Variants in SLC25A25 observed in about 807,000 individuals in gnomAD.
SLC25A25 encodes the protein solute carrier family 25 member 25.
In SLC25A25, 32 loss-of-function variants were observed where a neutral mutation model predicts 57.7. The ratio of observed to expected loss-of-function variants is 0.55; its 90% CI spans 0.42 to 0.74. SLC25A25 has a LOEUF of 0.74. Among genes scored for constraint, SLC25A25 ranks in the 30% least tolerant of loss-of-function variants. The pLI is 0.00. For synonymous variants in SLC25A25, 306 were observed against 291.2 expected (o/e 1.05, Z -0.52); for missense variants, 556 against 701.3 (o/e 0.79, Z 2.34).
At chr9:128,082,156 T>C (rs2130792410) in intron 1 of SLC25A25, among the ~76,000 whole-genome samples, 1 of 152,370 alleles carries the variant, frequency 6.6e-6, no homozygotes, top group East Asian at 1.9e-4. Context: ...CTGAGGGTTT[T>C]CATGCCGGAC....
In SLC25A25 at chr9:128,102,312, G is replaced by A; in HGVS notation, c.513-58G>A. 2.0e-6 allele frequency: 3 copies of A among 1,510,092 alleles called. No homozygotes were observed. The highest frequency in any genetic ancestry group is 3.4e-5 in the Admixed American group (2 of 58,612). The allele number at this position is 1,510,092 out of a possible 1,614,324, so 93.5% of individuals were successfully genotyped here. ...GCCCTTGGCTCACTGGGAGGTGGGG[G>A]GATGCAGCTGGCGGATGGGCATGTG... On this transcript the variant is annotated intron_variant, in intron 4 of 10. Coordinates refer to ENST00000373069, the MANE Select transcript of SLC25A25 (RefSeq NM_001330988.2). The surrounding 1 kb of genome is among the most constrained non-coding windows in gnomAD (Gnocchi z 4.1).
chr9:128,102,435 C>G lies in SLC25A25; in HGVS notation c.578C>G (p.Pro193Arg). 1.2e-6 allele frequency: 2 copies of G among 1,614,036 alleles called. No homozygotes were observed. The highest frequency in any genetic ancestry group is 2.2e-5 in the South Asian group (2 of 91,084). ...NEWRDYHLLH[P>R]VENIPEIILY... ...TGGAGAGACTACCACCTCCTCCACC[C>G]CGTGGAAAACATCCCCGAGATCATC... is the stretch of plus-strand genomic sequence containing the variant. The change falls in exon 5 of 11, where the codon CCC (proline) becomes CGC (arginine). Residue 193 changes from proline to arginine, a missense_variant. Physicochemically the swap from Pro to Arg is moderately radical, Grantham distance 103 (BLOSUM62 -2). Around this residue, in one of 3 missense-constraint regions of SLC25A25, gnomAD observed 248 missense variants for 273.5 expected, o/e 0.91. Coordinates refer to ENST00000373069, the MANE Select transcript of SLC25A25 (RefSeq NM_001330988.2). The surrounding 1 kb of genome is among the most constrained non-coding windows in gnomAD (Gnocchi z 4.1).
intron 6 of SLC25A25, among the ~76,000 whole-genome samples, chr9:128,104,906 G>A (rs2130824940): frequency 6.6e-6 from 1 of 150,414 alleles, no homozygotes; most frequent in Middle Eastern, 3.5e-3. Flanking sequence ...ACCCAGGCTA[G>A]AGTACAGTGG....
At chr9:128,098,072 CTCTG>C (rs1365225300) in intron 1 of SLC25A25, among the ~76,000 whole-genome samples, 16 of 152,354 alleles carry the variant, frequency 1.1e-4, no homozygotes, top group Admixed American at 8.5e-4. Flanking sequence ...TGGCAATCAG[CTCTG>C]TCTCTCTCCA....
At chr9:128,093,088 A>G (rs949655312) in intron 1 of SLC25A25, among the ~76,000 whole-genome samples, 2 of 152,244 alleles carry the variant, frequency 1.3e-5, no homozygotes, top group African/African-American at 4.8e-5. Flanking sequence ...AGATGTTAAG[A>G]TGAATTGCTA....
At chr9:128,092,705 G>T (rs10760536) in intron 1 of SLC25A25, among the ~76,000 whole-genome samples, 107,538 of 152,108 alleles carry the variant, frequency 0.71, 41,165 homozygotes, top group Non-Finnish European at 0.85. Flanking sequence ...AGCCCAGAGC[G>T]TGAGTTACCA....
chr9:128,068,419 G>T lies in SLC25A25; in HGVS notation c.100G>T (p.Asp34Tyr). 1 of 1,559,138 alleles carries T rather than the reference G, an allele frequency of 6.4e-7. No homozygotes were observed. Among genetic ancestry groups the T allele is most frequent in the Non-Finnish European group, 8.6e-7 (1 of 1,163,256 alleles). Residue 34 changes from aspartate (D) to tyrosine (Y), a missense_variant, in exon 1 of 11, where the codon GAC (aspartate) becomes TAC (tyrosine). Asp to Tyr is a radical substitution (Grantham distance 160). Transcript: ENST00000373069. ...SSASSPASVG[D>Y]PCGGAICGGP... ...TGCCTCATCGCCGGCGTCCGTGGGGGACCCCTGCGGCGGCGCTATCTGCGG... is the reference window on the plus strand; with the variant it reads ...TGCCTCATCGCCGGCGTCCGTGGGGTACCCCTGCGGCGGCGCTATCTGCGG...
intron 1 of SLC25A25, among the ~76,000 whole-genome samples, chr9:128,074,056 G>T (rs948605101): frequency 5.6e-5 from 8 of 143,882 alleles, no homozygotes; most frequent in Non-Finnish European, 1.2e-4. Flanking sequence ...TTTTGTGTGT[G>T]TGTGACGGAT....
chr9:128,086,172 G>GT (rs34490400), intron 1 of SLC25A25, among the ~76,000 whole-genome samples: 21 of 149,686 alleles, frequency 1.4e-4, no homozygotes, highest in South Asian at 8.4e-4. Context: ...TTTTGTTGTT[G>GT]TTTTTTTTTA....
rs146687560 is a variant in SLC25A25 at position 128,077,372 on chromosome 9, C to A, written c.261+8792C>A. ...CTACTAAAAATACAAAAAAAATTAGCCGGGCGCGGTGGCGGGCGCCTGTGG... is the reference window on the plus strand; with the variant it reads ...CTACTAAAAATACAAAAAAAATTAGACGGGCGCGGTGGCGGGCGCCTGTGG... On this transcript the variant is annotated intron_variant, in intron 1 of 10. Transcript: ENST00000373069. Among the ~76,000 whole-genome samples, 1,299 of 152,178 alleles carry A rather than the reference C, an allele frequency of 8.5e-3. 15 individuals are homozygous for A. The highest frequency in any genetic ancestry group is 0.03 in the African/African-American group (1,233 of 41,496).
Position 128,102,468 on chromosome 9 carries a change from G to A in SLC25A25, c.611G>A (p.Trp204Ter). ...AACATCCCCGAGATCATCCTCTACTGGAAGCATTCCACGGTGAGCCCCACG... is the reference window on the plus strand; with the variant it reads ...AACATCCCCGAGATCATCCTCTACTAGAAGCATTCCACGGTGAGCCCCACG... ...VENIPEIILYWKHSTIFDVGE... is the reference protein window; with the variant it reads ...VENIPEIILY The change falls in exon 5 of 11, where the codon TGG becomes TAG. Residue 204 changes from tryptophan (W) to a stop codon, truncating the protein, a stop_gained. Coordinates refer to ENST00000373069, the MANE Select transcript of SLC25A25 (RefSeq NM_001330988.2). LOFTEE classifies it high-confidence loss of function. This position sits in a 1 kb window ranked among gnomAD's most constrained non-coding sequence, Gnocchi z 4.1. 6.2e-7 allele frequency: 1 copy of A among 1,613,772 alleles called. No homozygotes were observed. The highest frequency in any genetic ancestry group is 1.3e-5 in the African/African-American group (1 of 74,986).
Position 128,107,532 on chromosome 9 carries a change from A to T in SLC25A25, c.*88A>T. ...CATCTCATTCTGTGAATGTGCCAAC[A>T]CTAAGCTGTCTCGAGCCAAGCTGTG... On this transcript the variant is annotated 3_prime_UTR_variant, in exon 11 of 11. Transcript: ENST00000373069. The T allele has an allele frequency of 7.0e-7, 1 of 1,437,580 alleles. No homozygotes were observed. The highest frequency in any genetic ancestry group is 9.2e-7 in the Non-Finnish European group (1 of 1,081,282). 89.1% of individuals were successfully genotyped at this position (1,437,580 alleles called of 1,614,324 possible).
rs1474268974 is a variant in SLC25A25 at position 128,103,950 on chromosome 9, T to C, written c.783+111T>C. Reference sequence around the variant, plus strand: ...GGTGCCTGCTTTGGGCCCAAACTTTTCTAACCCAATAAATTAGACTAGAAT... The same window carrying C: ...GGTGCCTGCTTTGGGCCCAAACTTTCCTAACCCAATAAATTAGACTAGAAT... On this transcript the variant is annotated intron_variant, in intron 6 of 10. Transcript: ENST00000373069. This position sits in a 1 kb window ranked among gnomAD's most constrained non-coding sequence, Gnocchi z 6.7. 1 of 1,143,964 alleles carries C rather than the reference T, an allele frequency of 8.7e-7. No homozygotes were observed. Among genetic ancestry groups the C allele is most frequent in the Admixed American group, 3.1e-5 (1 of 32,678 alleles). 70.9% of individuals were successfully genotyped at this position (1,143,964 alleles called of 1,614,324 possible). A position where few individuals can be genotyped will look rare whatever the true frequency, so the allele number is the denominator to read the frequency against.
intron 1 of SLC25A25, chr9:128,091,660 C>A (rs1185598095): frequency 5.7e-6 from 7 of 1,220,034 alleles, no homozygotes; most frequent in Non-Finnish European, 7.1e-6. Flanking sequence ...GCCTGGCAAG[C>A]CTCCCTTAGA....
At chr9:128,081,076 G>A (rs560213299) in intron 1 of SLC25A25, among the ~76,000 whole-genome samples, 1 of 152,290 alleles carries the variant, frequency 6.6e-6, no homozygotes, top group South Asian at 2.1e-4. Flanking sequence ...AGGATCTAAA[G>A]GTAGATAGTT....
intron 1 of SLC25A25, chr9:128,098,468 G>T: frequency 6.7e-7 from 1 of 1,495,350 alleles, no homozygotes. Flanking sequence ...AATGACAGCT[G>T]AGGCCAGGCT....
intron 1 of SLC25A25, among the ~76,000 whole-genome samples, chr9:128,100,352 G>T (rs369454417): frequency 5.9e-5 from 9 of 152,068 alleles, no homozygotes; most frequent in African/African-American, 2.2e-4. Flanking sequence ...GGGCGGGGGG[G>T]GTTACTTTTG....
At chr9:128,094,268 G>C (rs779879267) in intron 1 of SLC25A25, 8 of 152,206 alleles carry the variant, frequency 5.3e-5, no homozygotes, top group Non-Finnish European at 8.8e-5. Context: ...GTTCCTGCAA[G>C]CTTTTATTCT....
rs755086874 is a variant in SLC25A25 at position 128,105,774 on chromosome 9, A to G, written c.829A>G (p.Thr277Ala). Residue 277 changes from threonine to alanine, a missense_variant, in exon 7 of 11, where the codon ACT becomes GCT. Around this residue, in one of 3 missense-constraint regions of SLC25A25, gnomAD observed 294 missense variants for 389.6 expected, o/e 0.75. Transcript: ENST00000373069. Reference protein sequence around the residue: ...SNNMGIVGGFTQMIREGGARS... With the variant: ...SNNMGIVGGFAQMIREGGARS... The stretch of plus-strand genomic sequence containing the variant: ...CAACATGGGCATCGTTGGTGGCTTC[A>G]CTCAGATGATTCGAGAAGGAGGGGC... 9.9e-6 allele frequency: 16 copies of G among 1,613,826 alleles called. No homozygotes were observed. The highest frequency in any genetic ancestry group is 5.0e-5 in the Admixed American group (3 of 60,012).
Sources: gnomAD v4.1 joint callset for allele counts (sites outside exome capture counted in the v4.1 genomes callset) on GRCh38, gnomAD v4.1.1 for gene constraint, gnomAD v4.1.1 regional missense constraint, Gnocchi (gnomAD v3.1) non-coding constraint, MANE v1.5 for transcripts, NCBI Gene and HGNC (gene_info 2026-07-23, HGNC 2026-07-21) for gene names.